The following NAMPT variants were observed in gnomAD, a reference collection of about 807,000 sequenced individuals.
The protein encoded by NAMPT is nicotinamide phosphoribosyltransferase.
In NAMPT, 7 loss-of-function variants were observed where a neutral mutation model predicts 58.7. The observed-to-expected ratio is 0.12, with a 90% confidence interval of 0.07 to 0.22. The LOEUF (loss-of-function observed/expected upper bound fraction) is 0.22. Ranked by LOEUF, NAMPT falls within the 10% of genes least tolerant of loss-of-function variation. NAMPT has a pLI of 1.00. For synonymous variants in NAMPT, 145 were observed against 198.1 expected (o/e 0.73, Z 2.25); for missense variants, 271 against 567.9 (o/e 0.48, Z 5.31).
In NAMPT at chr7:106,272,512, A is replaced by C. The variant is rs1316653327; in HGVS notation, c.447+18T>G. 1 of 1,595,572 alleles carries C rather than the reference A, an allele frequency of 6.3e-7. No individual in the cohort carries two copies. On this transcript the variant is annotated intron_variant, in intron 4 of 10. Transcript: ENST00000222553. ...TTTATTCAATTAATGTTAAATAAGA[A>C]TTAAAAAAACAATTTACCTCAATCC...
intron 6 of NAMPT, among the ~76,000 whole-genome samples, chr7:106,265,567 T>TTAAAAAA (rs1554352150): frequency 8.6e-6 from 1 of 116,458 alleles, no homozygotes; most frequent in African/African-American, 3.3e-5. Context: ...CTCAAAAGCT[T>TTAAAAAA]AAAAAAAAAA....
At chr7:106,263,688 A>AT in intron 6 of NAMPT, 71 bp from the exon 7 acceptor site, 1 of 1,154,106 alleles carries the variant, frequency 8.7e-7, no homozygotes, top group Non-Finnish European at 1.3e-6. Flanking sequence ...ACCTTTAATC[A>AT]TATCTCATGT....
At chr7:106,280,351 T>C (rs1792738178) in intron 1 of NAMPT, among the ~76,000 whole-genome samples, 1 of 152,158 alleles carries the variant, frequency 6.6e-6, no homozygotes, top group Non-Finnish European at 1.5e-5. Context: ...GGGAAGGCTA[T>C]CAAATGGTAG....
chr7:106,276,130 C>T (rs1282577891), intron 2 of NAMPT: 3 of 152,210 alleles, frequency 2.0e-5, no homozygotes, highest in Admixed American at 2.0e-4. Flanking sequence ...ATAAGACTAT[C>T]TGAACTGCCT....
At chr7:106,275,426 T>A (rs911979843) in intron 2 of NAMPT, 1 of 154,660 alleles carries the variant, frequency 6.5e-6, no homozygotes, top group African/African-American at 2.4e-5. Context: ...GAATGTGGCA[T>A]CTTTAGGGTT....
At chr7:106,270,386 C>A in intron 4 of NAMPT, 1 of 282,990 alleles carries the variant, frequency 3.5e-6, no homozygotes, top group South Asian at 2.8e-5. Context: ...TACTGAATAC[C>A]AGCTAAGTGA....
intron 9 of NAMPT, chr7:106,253,381 C>A: frequency 2.2e-6 from 1 of 453,876 alleles, no homozygotes; most frequent in South Asian, 2.4e-5. Flanking sequence ...ATCCTTTTTG[C>A]CACTGAAGAA....
At chr7:106,258,916 C>CTTCG (rs1244850545) in intron 8 of NAMPT, among the ~76,000 whole-genome samples, 9 of 134,436 alleles carry the variant, frequency 6.7e-5, no homozygotes, top group African/African-American at 2.9e-4. Flanking sequence ...TCAATTGACT[C>CTTCG]TATCACGAAA....
In NAMPT at chr7:106,277,074, C is replaced by T; in HGVS notation, c.163G>A (p.Glu55Lys). 6.2e-7 allele frequency: 1 copy of T among 1,602,424 alleles called. No homozygotes were observed. ...ENSKLRKVKY[E>K]ETVFYGLQYI... The stretch of plus-strand genomic sequence containing the variant: ...TGCAACCCATAAAATACTGTTTCCT[C>T]ATATTTCACCTTCCTTAATTTGGAG... Residue 55 changes from glutamate to lysine, a missense_variant, in exon 2 of 11, where the codon GAG becomes AAG. This residue lies in a region of NAMPT where 103 missense variants were observed against 194.2 expected (regional missense o/e 0.53). Transcript: ENST00000222553.
rs1168641014 is a variant in NAMPT, at chr7:106,250,907, A to C, written c.*176T>G. The stretch of plus-strand genomic sequence containing the variant: ...TAGCACTCATCTTTTACATGGTTAA[A>C]TGCATTTCCTAATTTGAGATCACCT... On this transcript the variant is annotated 3_prime_UTR_variant, in exon 11 of 11. Coordinates refer to ENST00000222553, the MANE Select transcript of NAMPT (RefSeq NM_005746.3). The C allele has an allele frequency of 1.7e-6, 1 of 599,930 alleles. No homozygotes were observed. Among genetic ancestry groups the C allele is most frequent in the Non-Finnish European group, 2.9e-6 (1 of 342,046 alleles). 37.2% of individuals were successfully genotyped at this position (599,930 alleles called of 1,614,324 possible). A position where few individuals can be genotyped will look rare whatever the true frequency, so the allele number is the denominator to read the frequency against.
At chr7:106,285,303 G>T (rs367712444), upstream of NAMPT, 3 of 632,990 alleles carry the variant, frequency 4.7e-6, no homozygotes, top group Middle Eastern at 7.6e-4. Flanking sequence ...CCCGGCGCGT[G>T]ACCCGGGCGC....
chr7:106,252,151 C>A (rs1405375826), intron 10 of NAMPT, among the ~76,000 whole-genome samples: 3 of 152,032 alleles, frequency 2.0e-5, no homozygotes, highest in Non-Finnish European at 4.4e-5. Flanking sequence ...AAATCAGTGT[C>A]TTTTAAAAAT....
At chr7:106,262,596 G>C (rs1177127699) in intron 7 of NAMPT, among the ~76,000 whole-genome samples, 2 of 152,014 alleles carry the variant, frequency 1.3e-5, no homozygotes, top group Non-Finnish European at 2.9e-5. Flanking sequence ...CCTTTCTTAA[G>C]GGGTAAGTAT....
At chr7:106,267,860 A>AAAAAAAAC (rs1792452040) in intron 6 of NAMPT, among the ~76,000 whole-genome samples, 1 of 137,572 alleles carries the variant, frequency 7.3e-6, no homozygotes, top group African/African-American at 2.5e-5. Context: ...AAAAAAAAAA[A>AAAAAAAAC]AAAAAAAAAA....
At chr7:106,283,604 G>A (rs1792806532) in intron 1 of NAMPT, among the ~76,000 whole-genome samples, 1 of 152,274 alleles carries the variant, frequency 6.6e-6, no homozygotes, top group Middle Eastern at 3.4e-3. Flanking sequence ...GACCATACTT[G>A]AGGTATTATC....
At chr7:106,254,606 G>A (rs1055846349) in intron 8 of NAMPT, 102 bp from the exon 9 acceptor site, 1 of 1,273,178 alleles carries the variant, frequency 7.9e-7, no homozygotes, top group Middle Eastern at 1.9e-4. Flanking sequence ...ATCCAAGACT[G>A]TTTTATAACA....
intron 6 of NAMPT, among the ~76,000 whole-genome samples, chr7:106,267,866 A>AAAAAAAAAAAAAAAAC (rs767872084): frequency 7.5e-6 from 1 of 133,566 alleles, no homozygotes; most frequent in Non-Finnish European, 1.7e-5. Context: ...AAAAAAAAAA[A>AAAAAAAAAAAAAAAAC]AAAAAAAAAA....
chr7:106,273,591 A>G lies in NAMPT; in HGVS notation c.319-933T>C, dbSNP rs1792578485. 3.3e-5 allele frequency among the ~76,000 whole-genome samples: 5 copies of G among 152,352 alleles called. No individual in the cohort carries two copies. In the South Asian group the frequency reaches 1.0e-3, roughly 32 times the overall value. ...TCTGTTTGTAAAATGGGGTTAGACCAGATTATCTCTAGAGAACCTTTAGTT... is the reference window on the plus strand; with the variant it reads ...TCTGTTTGTAAAATGGGGTTAGACCGGATTATCTCTAGAGAACCTTTAGTT... On this transcript the variant is annotated intron_variant, in intron 3 of 10. Transcript: ENST00000222553.
Position 106,284,929 on chromosome 7 carries a change from C to A in NAMPT, c.-45G>T. On this transcript the variant is annotated 5_prime_UTR_variant, in exon 1 of 11. Transcript: ENST00000222553. ...GCCGCGCGCCGCGAGCTCCCTGGCG[C>A]GGCTGCGAGGAAGGAGAAAAATGAG... is the stretch of plus-strand genomic sequence containing the variant. The A allele has an allele frequency of 6.4e-7, 1 of 1,562,140 alleles. No individual in the cohort carries two copies. The highest frequency in any genetic ancestry group is 1.4e-5 in the African/African-American group (1 of 73,770).
Sources: allele counts gnomAD v4.1 joint callset (sites outside exome capture counted in the v4.1 genomes callset), GRCh38; gene constraint gnomAD v4.1.1; regional missense constraint gnomAD v4.1.1; transcripts MANE v1.5; gene names NCBI Gene and HGNC (gene_info 2026-07-23, HGNC 2026-07-21).